The following DDX10 variants were observed in gnomAD, a reference collection of about 807,000 sequenced individuals.
The protein encoded by DDX10 is DEAD-box helicase 10, also known as probable ATP-dependent RNA helicase DDX10.
A neutral mutation model predicts 104.3 loss-of-function variants in DDX10; 74 were observed. That is an observed-to-expected ratio of 0.71 (90% confidence interval 0.59 to 0.86). The LOEUF is 0.86. Ranked by LOEUF, DDX10 falls within the 40% of genes least tolerant of loss-of-function variation. The pLI is 0.00. For synonymous variants in DDX10, 351 were observed against 353.4 expected, an observed-to-expected ratio of 0.99 and a Z score of 0.08; for missense variants, 952 against 1,040.0, an observed-to-expected ratio of 0.92 and a Z score of 1.16.
intron 13 of DDX10, among the ~76,000 whole-genome samples, chr11:108,746,257 C>T (rs2094331754): frequency 6.6e-6 from 1 of 151,794 alleles, no homozygotes. Context: ...TTTACTTATT[C>T]TGGACATTTC....
chr11:108,878,695 G>A (rs1466617951), intron 16 of DDX10, among the ~76,000 whole-genome samples: 1 of 152,064 alleles, frequency 6.6e-6, no homozygotes, highest in East Asian at 1.9e-4. Flanking sequence ...ATTCCAGCAT[G>A]AACTGCTGTG....
intron 13 of DDX10, among the ~76,000 whole-genome samples, chr11:108,786,235 T>A (rs1195849886): frequency 2.6e-5 from 4 of 152,170 alleles, no homozygotes; most frequent in African/African-American, 9.7e-5. Context: ...TTTCAATTTT[T>A]TTTTTGAATT....
At chr11:108,720,057 C>A (rs1204533614) in intron 12 of DDX10, among the ~76,000 whole-genome samples, 172 bp downstream of exon 12, 1 of 152,188 alleles carries the variant, frequency 6.6e-6, no homozygotes, top group Non-Finnish European at 1.5e-5. Context: ...CGTAAGCCAC[C>A]ACACCCGGCC....
Position 108,940,506 on chromosome 11 carries a change from A to C in DDX10, c.*83A>C. On this transcript the variant is annotated 3_prime_UTR_variant, in exon 18 of 18. Transcript: ENST00000322536. ...GTTGAAAAACAGTTGATTTGGGGGC[A>C]CTTAGGTACCATATGCCCCATTCCC... The C allele has an allele frequency of 6.9e-7, 1 of 1,446,820 alleles. No homozygotes were observed. The highest frequency in any genetic ancestry group is 9.4e-7 in the Non-Finnish European group (1 of 1,061,520). The allele number at this position is 1,446,820 out of a possible 1,614,324, so 89.6% of individuals were successfully genotyped here. A position where few individuals can be genotyped will look rare whatever the true frequency, so the allele number is the denominator to read the frequency against.
At chr11:108,678,268 G>T (rs769207653) in intron 4 of DDX10, 47 bp from the exon 5 acceptor site, 3 of 1,584,256 alleles carry the variant, frequency 1.9e-6, no homozygotes, top group Non-Finnish European at 2.6e-6. Context: ...TACACAGGCT[G>T]CTGAGAGTGA....
rs1317617328 is a variant in DDX10 at position 108,804,161 on chromosome 11, G to C, written c.1966-34285G>C. Among the ~76,000 whole-genome samples, 3 of 152,160 alleles carry C rather than the reference G, an allele frequency of 2.0e-5. No individual in the cohort carries two copies. The East Asian group carries it at 5.8e-4, about 29-fold the overall frequency. On this transcript the variant is annotated intron_variant, in intron 13 of 17. Transcript: ENST00000322536. ...AACAAAGAAAGAACACATCAAACTA[G>C]AGAGCAGTTCCAAGTCAACTTACTG...
In DDX10 at chr11:108,665,174, T is replaced by G. The variant is rs763048706; in HGVS notation, c.21T>G (p.Ser7=). ...CCGCAATGGGCAAAACGGCCAACTC[T>G]CCGGGTTCGGGAGCCCGACCCGACC... MGKTAN[S]PGSGARPDPV... The change falls in exon 1 of 18, where the codon TCT becomes TCG. Residue 7 remains serine (S), a synonymous_variant. Coordinates refer to ENST00000322536, the MANE Select transcript of DDX10 (RefSeq NM_004398.4). The G allele has an allele frequency of 1.9e-6, 3 of 1,610,660 alleles. No individual in the cohort carries two copies. In the South Asian group the frequency reaches 3.3e-5, roughly 18 times the overall value.
At chr11:108,906,407 T>G (rs1205468239) in intron 16 of DDX10, among the ~76,000 whole-genome samples, 1 of 152,214 alleles carries the variant, frequency 6.6e-6, no homozygotes, top group Non-Finnish European at 1.5e-5. Context: ...TTTCCCAGTG[T>G]GCACACATGG....
At chr11:108,842,467 G>A (rs1332094258) in intron 15 of DDX10, among the ~76,000 whole-genome samples, 1 of 152,126 alleles carries the variant, frequency 6.6e-6, no homozygotes, top group African/African-American at 2.4e-5. Flanking sequence ...ACCTTTCATG[G>A]ACCAGTACAC....
chr11:108,685,403 G>T (rs1275306374), intron 6 of DDX10, among the ~76,000 whole-genome samples: 1 of 151,398 alleles, frequency 6.6e-6, no homozygotes, highest in Non-Finnish European at 1.5e-5. Context: ...CGCACGGTGC[G>T]CACACACACT....
At chr11:108,794,580 G>C (rs537114493) in intron 13 of DDX10, among the ~76,000 whole-genome samples, 3 of 151,692 alleles carry the variant, frequency 2.0e-5, no homozygotes, top group African/African-American at 7.3e-5. Context: ...AATCACAAAT[G>C]GGTCTTGAAT....
At chr11:108,676,401 G>A (rs1296905622) in intron 3 of DDX10, among the ~76,000 whole-genome samples, 1 of 151,938 alleles carries the variant, frequency 6.6e-6, no homozygotes. Context: ...AGATAATTCA[G>A]TTACTATATA....
intron 13 of DDX10, among the ~76,000 whole-genome samples, chr11:108,808,039 A>G (rs1171376170): frequency 2.0e-5 from 3 of 152,206 alleles, no homozygotes; most frequent in Non-Finnish European, 4.4e-5. Flanking sequence ...CTTATGATGT[A>G]TCCGCATGTG....
chr11:108,850,030 A>G (rs1862770475), intron 15 of DDX10, among the ~76,000 whole-genome samples: 1 of 152,126 alleles, frequency 6.6e-6, no homozygotes, highest in East Asian at 1.9e-4. Flanking sequence ...AGTACTAATA[A>G]AGCTTTTTCA....
chr11:108,686,342 T>G (rs1370559225), intron 6 of DDX10, among the ~76,000 whole-genome samples: 1 of 152,218 alleles, frequency 6.6e-6, no homozygotes, highest in Non-Finnish European at 1.5e-5. Context: ...TGTCTACTGT[T>G]ATAGTATTTC....
At chr11:108,831,389 C>T (rs1274984214) in intron 13 of DDX10, among the ~76,000 whole-genome samples, 3 of 138,154 alleles carry the variant, frequency 2.2e-5, no homozygotes, top group Non-Finnish European at 4.6e-5. Context: ...GGCGCCACTG[C>T]ACCCCAGCCT....
At chr11:108,892,752 A>T (rs1311827045) in intron 16 of DDX10, among the ~76,000 whole-genome samples, 2 of 152,278 alleles carry the variant, frequency 1.3e-5, no homozygotes, top group South Asian at 4.2e-4. Flanking sequence ...TTGGGATGAG[A>T]TGGGGATTGA....
At chr11:108,731,064 T>C (rs1307769005) in intron 13 of DDX10, among the ~76,000 whole-genome samples, 2 of 151,966 alleles carry the variant, frequency 1.3e-5, no homozygotes, top group African/African-American at 4.8e-5. Flanking sequence ...TCTTTTTTTT[T>C]TTTTTGAGAC....
At position 108,758,035 on chromosome 11, in the gene DDX10, T is replaced by G. The variant is rs2094346572; in HGVS notation, c.1965+34573T>G. ...TACAGCAACCTCAGTTGGGCGCTTC[T>G]TCTTTTACGCCATAGTGGCAGCATT... On this transcript the variant is annotated intron_variant, in intron 13 of 17. Transcript: ENST00000322536. Among the ~76,000 whole-genome samples, 3 of 152,050 alleles carry G rather than the reference T, an allele frequency of 2.0e-5. No individual in the cohort carries two copies. The South Asian group carries it at 6.2e-4, about 31-fold the overall frequency.
Sources: gnomAD v4.1 joint callset for allele counts (sites outside exome capture counted in the v4.1 genomes callset) on GRCh38, gnomAD v4.1.1 for gene constraint, MANE v1.5 for transcripts, NCBI Gene and HGNC (gene_info 2026-07-23, HGNC 2026-07-21) for gene names.